The following HYCC1 variants were observed in gnomAD, a reference collection of about 807,000 sequenced individuals.
The protein encoded by HYCC1 is hyccin.
chr7:22,978,116 C>T, the HYCC1 span: 1 of 705,252 alleles, frequency 1.4e-6, no homozygotes, highest in South Asian at 1.7e-5. Flanking sequence ...GTATGTCTCC[C>T]AATCCCCAGA....
At chr7:22,961,107 G>T in the HYCC1 span, 1 of 625,554 alleles carries the variant, frequency 1.6e-6, no homozygotes. Flanking sequence ...AAACTTCCAT[G>T]TATAACAAGA....
the HYCC1 span, among the ~76,000 whole-genome samples, chr7:22,918,012 G>C: frequency 1.3e-5 from 2 of 151,750 alleles, no homozygotes; most frequent in African/African-American, 4.8e-5. Flanking sequence ...CTCCAAAATT[G>C]CTGAGGCCTC....
chr7:22,921,487 A>G, the HYCC1 span, among the ~76,000 whole-genome samples: 1 of 152,222 alleles, frequency 6.6e-6, no homozygotes, highest in African/African-American at 2.4e-5. Context: ...GTAACAATGT[A>G]TTCTTGGGTT....
chr7:22,992,671 T>C, the HYCC1 span, among the ~76,000 whole-genome samples: 1 of 152,140 alleles, frequency 6.6e-6, no homozygotes, highest in Non-Finnish European at 1.5e-5. Flanking sequence ...ACTTTTTTTA[T>C]GTTGTTATGT....
At chr7:22,991,403 A>G in the HYCC1 span, among the ~76,000 whole-genome samples, 1 of 152,264 alleles carries the variant, frequency 6.6e-6, no homozygotes, top group Non-Finnish European at 1.5e-5. Context: ...TGCAAAACAT[A>G]TTGGACATTT....
chr7:23,008,356 T>G, the HYCC1 span, among the ~76,000 whole-genome samples: 1 of 151,966 alleles, frequency 6.6e-6, no homozygotes, highest in Non-Finnish European at 1.5e-5. Flanking sequence ...AGAACCCACA[T>G]GAAGAAAACT....
At chr7:22,981,704 T>C in the HYCC1 span, among the ~76,000 whole-genome samples, 6 of 152,230 alleles carry the variant, frequency 3.9e-5, no homozygotes, top group East Asian at 1.9e-4. Flanking sequence ...GAAATATTTA[T>C]AAACTTTTAT....
At chr7:22,931,433 T>C in the HYCC1 span, among the ~76,000 whole-genome samples, 1 of 152,232 alleles carries the variant, frequency 6.6e-6, no homozygotes, top group East Asian at 1.9e-4. Context: ...CATAGGAAAC[T>C]AATATAGATT....
At chr7:22,946,810 G>C in the HYCC1 span, 3 of 662,754 alleles carry the variant, frequency 4.5e-6, no homozygotes, top group Middle Eastern at 4.1e-4. Context: ...AGACGATAAA[G>C]GTATAATCAT....
the HYCC1 span, among the ~76,000 whole-genome samples, chr7:22,903,267 CA>C: frequency 3.8e-3 from 579 of 151,064 alleles, 6 homozygotes; most frequent in African/African-American, 0.014. Flanking sequence ...AACTTGTACA[CA>C]AATGTTCATA....
chr7:22,943,145 T>G, the HYCC1 span: 1 of 152,198 alleles, frequency 6.6e-6, no homozygotes, highest in Admixed American at 6.5e-5. Context: ...ATATAAAGTG[T>G]TACTTTTTTA....
the HYCC1 span, among the ~76,000 whole-genome samples, chr7:22,966,818 T>G: frequency 1.3e-5 from 2 of 152,254 alleles, no homozygotes; most frequent in South Asian, 4.1e-4. Context: ...GCATTTGATA[T>G]TAGAGGATCC....
chr7:22,985,062 G>C, the HYCC1 span, among the ~76,000 whole-genome samples: 15 of 152,240 alleles, frequency 9.9e-5, no homozygotes, highest in African/African-American at 3.4e-4. Context: ...CCTCCTCAGC[G>C]ATATCTGTTT....
At chr7:22,971,677 C>CAAAAA in the HYCC1 span, among the ~76,000 whole-genome samples, 8 of 91,924 alleles carry the variant, frequency 8.7e-5, no homozygotes, top group African/African-American at 1.3e-4. Context: ...CCCCATCTCA[C>CAAAAA]AAAAAAAAAA....
the HYCC1 span, among the ~76,000 whole-genome samples, chr7:22,969,818 C>G: frequency 6.6e-6 from 1 of 152,218 alleles, no homozygotes; most frequent in African/African-American, 2.4e-5. Flanking sequence ...GCCACCGCAT[C>G]TGGCCCCTTC....
the HYCC1 span, among the ~76,000 whole-genome samples, chr7:22,909,238 T>C: frequency 6.6e-6 from 1 of 152,076 alleles, no homozygotes; most frequent in Non-Finnish European, 1.5e-5. Flanking sequence ...GCAAGTGAGT[T>C]GTTGGAAGAT....
the HYCC1 span, chr7:22,944,212 A>C: frequency 1.3e-5 from 2 of 152,210 alleles, no homozygotes; most frequent in African/African-American, 4.8e-5. Context: ...CTCAACGGTC[A>C]ACTGACTCAG....
At chr7:23,009,588 C>T in the HYCC1 span, among the ~76,000 whole-genome samples, 4 of 152,008 alleles carry the variant, frequency 2.6e-5, no homozygotes, top group Non-Finnish European at 5.9e-5. Context: ...AGGAACAAGC[C>T]CTGGACTTCA....
At chr7:22,999,263 G>A in the HYCC1 span, among the ~76,000 whole-genome samples, 238 of 152,178 alleles carry the variant, frequency 1.6e-3, no homozygotes, top group Non-Finnish European at 3.0e-3. Flanking sequence ...AAATCTACAA[G>A]AGCAGTTATT....
Sources: gnomAD v4.1 joint callset for allele counts (sites outside exome capture counted in the v4.1 genomes callset) on GRCh38, gnomAD v4.1.1 for gene constraint, MANE v1.5 for transcripts, NCBI Gene and HGNC (gene_info 2026-07-23, HGNC 2026-07-21) for gene names.